Variants in FAT3 observed in about 807,000 individuals in gnomAD.
FAT3 encodes the protein FAT atypical cadherin 3.
A neutral mutation model predicts 310.2 loss-of-function variants in FAT3; 95 were observed. That is an observed-to-expected ratio of 0.31 (90% CI 0.26 to 0.36). The LOEUF is 0.36. FAT3 is among the 10% of genes least tolerant of loss of function. The pLI, the probability that FAT3 is intolerant of heterozygous loss-of-function variation, is 1.00. For synonymous variants in FAT3, 2,314 were observed against 2,192.9 expected (o/e 1.06, Z -1.54); for missense variants, 5,408 against 5,715.6 (o/e 0.95, Z 1.74).
At chr11:92,260,673 C>A (rs974787306) in intron 1 of FAT3, among the ~76,000 whole-genome samples, 1 of 152,082 alleles carries the variant, frequency 6.6e-6, no homozygotes, top group Non-Finnish European at 1.5e-5. Context: ...GTATCTGTAA[C>A]AAATAGATTG....
At chr11:92,251,986 C>A (rs991458144) in intron 1 of FAT3, among the ~76,000 whole-genome samples, 1 of 152,092 alleles carries the variant, frequency 6.6e-6, no homozygotes, top group Non-Finnish European at 1.5e-5. Flanking sequence ...CTTTAACAGG[C>A]CTGAAAATTC....
intron 21 of FAT3, among the ~76,000 whole-genome samples, chr11:92,864,206 G>T (rs1228004303): frequency 3.3e-5 from 5 of 152,148 alleles, no homozygotes; most frequent in South Asian, 2.1e-4. Flanking sequence ...GGAGGTGGGG[G>T]TGAGAGAGGA....
intron 21 of FAT3, 70 bp downstream of exon 21, chr11:92,859,392 A>G: frequency 7.2e-7 from 1 of 1,384,272 alleles, no homozygotes; most frequent in Middle Eastern, 1.9e-4. Flanking sequence ...GGATTGGGGA[A>G]CGGCTGAAAT....
Position 92,798,626 on chromosome 11 carries a change from T to G in FAT3, c.5613T>G (p.Ile1871Met). 4 of 1,613,776 alleles carry G rather than the reference T, an allele frequency of 2.5e-6. No individual in the cohort carries two copies. The highest frequency in any genetic ancestry group is 3.4e-6 in the Non-Finnish European group (4 of 1,179,856). The stretch of plus-strand genomic sequence containing the variant: ...CAGAGAGTCCCGTTGAAGTCAACAT[T>G]GAGGTGACAGATGTGAATGATAACC... ...LTAESPVEVN[I>M]EVTDVNDNPP... Residue 1871 changes from isoleucine (I) to methionine (M), a missense_variant, in exon 10 of 28, where the codon ATT becomes ATG. Ile to Met is a conservative substitution (Grantham distance 10). Coordinates refer to ENST00000525166, the MANE Select transcript of FAT3 (RefSeq NM_001367949.2).
chr11:92,643,538 A>G (rs1372666042), intron 3 of FAT3, among the ~76,000 whole-genome samples: 1 of 152,236 alleles, frequency 6.6e-6, no homozygotes, highest in Admixed American at 6.5e-5. Flanking sequence ...AAATTGGGAT[A>G]AGATCACTTG....
At chr11:92,242,229 G>A (rs1201323185) in intron 1 of FAT3, among the ~76,000 whole-genome samples, 1 of 152,034 alleles carries the variant, frequency 6.6e-6, no homozygotes, top group Non-Finnish European at 1.5e-5. Context: ...CTTTAAAGAT[G>A]CTGCTTTAGA....
At chr11:92,650,986 T>A (rs1160118773) in intron 3 of FAT3, among the ~76,000 whole-genome samples, 2 of 152,178 alleles carry the variant, frequency 1.3e-5, no homozygotes, top group African/African-American at 4.8e-5. Flanking sequence ...CTCTCTGGAG[T>A]AAGCATTCCT....
rs115829728 is a variant in FAT3 at position 92,701,261 on chromosome 11, C to A, written c.3669+3816C>A. On this transcript the variant is annotated intron_variant, in intron 4 of 27. Coordinates refer to ENST00000525166, the MANE Select transcript of FAT3 (RefSeq NM_001367949.2). ...ATAACCAGGAGGACATTAATGATTT[C>A]TTGGTAGTTTGCTATCCCCATGGTA... 3.7e-3 allele frequency among the ~76,000 whole-genome samples: 564 copies of A among 152,286 alleles called. 3 individuals are homozygous for A. Among genetic ancestry groups the A allele is most frequent in the African/African-American group, 0.013 (535 of 41,562 alleles).
chr11:92,304,007 G>A (rs951073262), intron 1 of FAT3, among the ~76,000 whole-genome samples: 5 of 152,002 alleles, frequency 3.3e-5, no homozygotes, highest in South Asian at 2.1e-4. Flanking sequence ...ATATTTTAAC[G>A]GTTTGAAAAA....
At chr11:92,818,850 T>G (rs1280914380) in intron 13 of FAT3, among the ~76,000 whole-genome samples, 1 of 152,218 alleles carries the variant, frequency 6.6e-6, no homozygotes, top group East Asian at 1.9e-4. Context: ...TCTGAGCTCC[T>G]GCGCATGTCC....
chr11:92,502,232 T>A (rs1445938012), intron 2 of FAT3, among the ~76,000 whole-genome samples: 1 of 151,954 alleles, frequency 6.6e-6, no homozygotes, highest in East Asian at 1.9e-4. Flanking sequence ...ATTTAAAAAA[T>A]GCCTTGATGT....
intron 4 of FAT3, among the ~76,000 whole-genome samples, chr11:92,723,634 T>G (rs1944923033): frequency 6.6e-6 from 1 of 152,178 alleles, no homozygotes; most frequent in Non-Finnish European, 1.5e-5. Flanking sequence ...ACTGGGCAAT[T>G]TACAAAAGAA....
chr11:92,687,731 T>C (rs552363562), intron 3 of FAT3, among the ~76,000 whole-genome samples: 3 of 152,310 alleles, frequency 2.0e-5, no homozygotes, highest in South Asian at 4.1e-4. Flanking sequence ...GTGTTCCACC[T>C]CTGCTAGGGA....
At chr11:92,588,095 G>C (rs1226068718) in intron 3 of FAT3, among the ~76,000 whole-genome samples, 2 of 151,976 alleles carry the variant, frequency 1.3e-5, no homozygotes, top group Admixed American at 6.6e-5. Flanking sequence ...GAGGTTGACT[G>C]TATAGGTCTA....
rs1307336076 is a variant in FAT3 at position 92,511,680 on chromosome 11, A to G, written c.3293-12954A>G. Among the ~76,000 whole-genome samples, 3 of 152,122 alleles carry G rather than the reference A, an allele frequency of 2.0e-5. No individual in the cohort carries two copies. The East Asian group carries it at 5.8e-4, about 29-fold the overall frequency. The stretch of plus-strand genomic sequence containing the variant: ...GCTGGCTGGGTGACAGTGCTCTTTG[A>G]ATCCTCCTTGAGGGTTGAGGAGCAA... On this transcript the variant is annotated intron_variant, in intron 2 of 27. Transcript: ENST00000525166.
chr11:92,705,450 A>ATGGTGG (rs1297765338), intron 4 of FAT3, among the ~76,000 whole-genome samples: 1 of 48,164 alleles, frequency 2.1e-5, no homozygotes. Flanking sequence ...TGGTGGTGTG[A>ATGGTGG]TGGTGGTGTG....
At chr11:92,642,772 C>T (rs1565481276) in intron 3 of FAT3, among the ~76,000 whole-genome samples, 1 of 152,142 alleles carries the variant, frequency 6.6e-6, no homozygotes, top group African/African-American at 2.4e-5. Context: ...GACATTTAGC[C>T]AGCAAAAAGG....
chr11:92,711,550 G>C (rs1944521731), intron 4 of FAT3, among the ~76,000 whole-genome samples: 1 of 152,088 alleles, frequency 6.6e-6, no homozygotes, highest in Non-Finnish European at 1.5e-5. Flanking sequence ...AATGTAATTT[G>C]GCAGATTATT....
intron 2 of FAT3, among the ~76,000 whole-genome samples, chr11:92,381,333 G>GTGAAACCC (rs1442744697): frequency 3.4e-4 from 51 of 152,130 alleles, no homozygotes; most frequent in Non-Finnish European, 2.9e-4. Context: ...AGCCAACATG[G>GTGAAACCC]TGAAACCCTG....
Sources: gnomAD v4.1 joint callset for allele counts (sites outside exome capture counted in the v4.1 genomes callset) on GRCh38, gnomAD v4.1.1 for gene constraint, MANE v1.5 for transcripts, NCBI Gene and HGNC (gene_info 2026-07-23, HGNC 2026-07-21) for gene names.